PAX6: variants seen among roughly 807,000 people sequenced by gnomAD.
The protein encoded by PAX6 is paired box 6, also known as paired box protein Pax-6.
In PAX6, 7 loss-of-function variants were observed where a neutral mutation model predicts 60.7. The observed-to-expected ratio is 0.12, with a 90% confidence interval of 0.07 to 0.22. The LOEUF is 0.22. Among genes scored for constraint, PAX6 ranks in the 10% least tolerant of loss-of-function variants. PAX6 has a pLI of 1.00. For synonymous variants in PAX6, 208 were observed against 201.2 expected (o/e 1.03, Z -0.29); for missense variants, 355 against 555.2 (o/e 0.64, Z 3.62).
upstream of PAX6, among the ~76,000 whole-genome samples, chr11:31,815,471 C>T (rs893210116): frequency 6.6e-6 from 1 of 152,064 alleles, no homozygotes; most frequent in Non-Finnish European, 1.5e-5. Flanking sequence ...CCGTTGTAGA[C>T]CTGGGAACAG....
Position 31,800,740 on chromosome 11 carries a change from G to T in PAX6, c.516C>A (p.Thr172=). ...MLNGQTGSWG[T]RPGWYPGTSV... ...AAGTCCCCGGATACCAACCAGGGCGGGTGCCCCAGCTTCCGGTCTGCCCGT... is the reference window on the plus strand; with the variant it reads ...AAGTCCCCGGATACCAACCAGGGCGTGTGCCCCAGCTTCCGGTCTGCCCGT... The change falls in exon 8 of 14, where the codon ACC becomes ACA. Residue 172 remains threonine, a synonymous_variant. Coordinates refer to ENST00000640368, the MANE Select transcript of PAX6 (RefSeq NM_001368894.2). 1 of 1,614,170 alleles carries T rather than the reference G, an allele frequency of 6.2e-7. No individual in the cohort carries two copies. Among genetic ancestry groups the T allele is most frequent in the Non-Finnish European group, 8.5e-7 (1 of 1,180,026 alleles).
At position 31,793,813 on chromosome 11, in the gene PAX6, G is replaced by A. The variant is rs1950636383; in HGVS notation, c.808-11C>T. 6.2e-7 allele frequency: 1 copy of A among 1,614,018 alleles called. No individual in the cohort carries two copies. Among genetic ancestry groups the A allele is most frequent in the Non-Finnish European group, 8.5e-7 (1 of 1,180,038 alleles). ...ATTAGAAAACCATACCTGGAAATCA[G>A]GTGGGACAGGTTAGCACTGTGTCTA... On this transcript the variant is annotated splice_polypyrimidine_tract_variant and intron_variant, in intron 10 of 13. Coordinates refer to ENST00000640368, the MANE Select transcript of PAX6 (RefSeq NM_001368894.2).
In PAX6 at chr11:31,793,653, C is replaced by A. The variant is rs146433004; in HGVS notation, c.957G>T (p.Pro319=). The change falls in exon 11 of 14, where the codon CCG becomes CCT. Residue 319 remains proline, a splice_region_variant and synonymous_variant. Coordinates refer to ENST00000640368, the MANE Select transcript of PAX6 (RefSeq NM_001368894.2). ...CGTAGTATTAGTATTTCAAATTACC[C>A]GGTGTGGTGGGTTGTGGAATTGGTT... ...VYQPIPQPTT[P]VSSFTSGSML... is the part of the protein sequence containing the mutation. The A allele has an allele frequency of 6.2e-7, 1 of 1,614,150 alleles. No homozygotes were observed. Among genetic ancestry groups the A allele is most frequent in the Non-Finnish European group, 8.5e-7 (1 of 1,180,004 alleles).
intron 2 of PAX6, chr11:31,808,687 A>G (rs1956408633): frequency 6.6e-6 from 1 of 151,786 alleles, no homozygotes; most frequent in South Asian, 2.1e-4. Context: ...CTCGTTGATT[A>G]GTTTTCGAAG....
intron 13 of PAX6, chr11:31,790,426 G>T (rs1436104963): frequency 1.5e-6 from 2 of 1,318,036 alleles, no homozygotes; most frequent in East Asian, 3.5e-5. Flanking sequence ...GCCCCCTACT[G>T]AGCTTCGTCT....
chr11:31,802,560 G>T, intron 5 of PAX6, 144 bp downstream of exon 5: 3 of 780,330 alleles, frequency 3.8e-6, no homozygotes, highest in Non-Finnish European at 6.0e-6. Flanking sequence ...GGGAAGGCAG[G>T]GGAGTGGGTG....
rs368691530 is a variant in PAX6, at chr11:31,810,994, T to C, written c.-295A>G. The C allele has an allele frequency of 2.0e-5, 8 of 399,162 alleles. No individual in the cohort carries two copies. The East Asian group carries it at 2.8e-4, about 14-fold the overall frequency. 24.7% of individuals were successfully genotyped at this position (399,162 alleles called of 1,614,324 possible). A position where few individuals can be genotyped will look rare whatever the true frequency, so the allele number is the denominator to read the frequency against. On this transcript the variant is annotated 5_prime_UTR_variant, in exon 2 of 14. Transcript: ENST00000640368. ...CTCCACGGATGTTGCTGGGTTGGTGTGTGAGAGCAATTCTCAGATTCCTGG... is the reference window on the plus strand; with the variant it reads ...CTCCACGGATGTTGCTGGGTTGGTGCGTGAGAGCAATTCTCAGATTCCTGG...
At chr11:31,806,248 C>T (rs985968366) in intron 4 of PAX6, 154 bp downstream of exon 4, 11 of 734,216 alleles carry the variant, frequency 1.5e-5, no homozygotes, top group African/African-American at 1.3e-4. Flanking sequence ...CCCGGGCTGC[C>T]GGGCGCGGAG....
intron 8 of PAX6, among the ~76,000 whole-genome samples, chr11:31,799,375 G>A (rs976660067): frequency 1.3e-5 from 2 of 152,138 alleles, no homozygotes; most frequent in Admixed American, 1.3e-4. Flanking sequence ...CAAGAAGCGA[G>A]CGCTTTGCTC....
In PAX6 at chr11:31,794,414, CACACACCACACACACACACACACACA is replaced by C. The variant is rs1950818053; in HGVS notation, c.724+190_724+215del. On this transcript the variant is annotated intron_variant, in intron 9 of 13. Coordinates refer to ENST00000640368, the MANE Select transcript of PAX6 (RefSeq NM_001368894.2). ...TAGATGAAAAGAAGAAACACACACA[CACACACCACACACACACACACACACA>C]CACACACACACACACACACACACAC... The C allele has an allele frequency of 9.5e-6, 5 of 528,844 alleles. No homozygotes were observed. The Admixed American group carries it at 1.7e-4, about 18-fold the overall frequency. The allele number at this position is 528,844 out of a possible 1,614,324, so 32.8% of individuals were successfully genotyped here. A position where few individuals can be genotyped will look rare whatever the true frequency, so the allele number is the denominator to read the frequency against.
rs1411880763 is a variant in PAX6, at chr11:31,790,805, G to A, written c.1130C>T (p.Ser377Leu). 3.7e-6 allele frequency: 6 copies of A among 1,613,962 alleles called. No homozygotes were observed. The highest frequency in any genetic ancestry group is 1.7e-5 in the Admixed American group (1 of 60,000). Reference protein sequence around the residue: ...SYSCMLPTSPSVNGRSYDTYT... With the variant: ...SYSCMLPTSPLVNGRSYDTYT... Reference sequence around the variant, plus strand: ...GGTATCATAACTCCGCCCATTCACCGAAGGGCTGGTGGGCAGCATGCAGGA... The same window carrying A: ...GGTATCATAACTCCGCCCATTCACCAAAGGGCTGGTGGGCAGCATGCAGGA... Residue 377 changes from serine (S) to leucine (L), a missense_variant, in exon 13 of 14, where the codon TCG becomes TTG. This residue lies in a region of PAX6 where 149 missense variants were observed against 191.9 expected (regional missense o/e 0.78). Transcript: ENST00000640368.
upstream of PAX6, among the ~76,000 whole-genome samples, chr11:31,813,392 G>C (rs1023858350): frequency 9.6e-6 from 1 of 103,828 alleles, no homozygotes; most frequent in Admixed American, 1.1e-4. Flanking sequence ...GGGGGGGCGG[G>C]GGGGGGGGAA....
At chr11:31,811,763 G>A (rs1421240636), upstream of PAX6, 2 of 144,372 alleles carry the variant, frequency 1.4e-5, no homozygotes, top group African/African-American at 5.0e-5. Flanking sequence ...ATCCCAGCCG[G>A]GGCCCCAAGA....
chr11:31,793,735 G>A lies in PAX6; in HGVS notation c.875C>T (p.Ala292Val). The A allele has an allele frequency of 1.2e-6, 2 of 1,614,080 alleles. No homozygotes were observed. The highest frequency in any genetic ancestry group is 1.7e-6 in the Non-Finnish European group (2 of 1,179,976). Residue 292 changes from alanine to valine, a missense_variant, in exon 11 of 14, where the codon GCC (alanine) becomes GTC (valine). Ala to Val is a moderately conservative substitution (Grantham distance 64). Around this residue, in one of 5 missense-constraint regions of PAX6, gnomAD observed 149 missense variants for 191.9 expected, o/e 0.78. Coordinates refer to ENST00000640368, the MANE Select transcript of PAX6 (RefSeq NM_001368894.2). The part of the protein sequence containing the change: ...EEKLRNQRRQ[A>V]SNTPSHIPIS... ...AGGAATATGACTAGGTGTGTTGCTG[G>A]CCTGTCTTCTCTGATTCCTCAGTTT... is the stretch of plus-strand genomic sequence containing the variant.
At chr11:31,797,666 C>CCTAG (rs1210507419) in intron 8 of PAX6, among the ~76,000 whole-genome samples, 1 of 152,188 alleles carries the variant, frequency 6.6e-6, no homozygotes, top group Non-Finnish European at 1.5e-5. Flanking sequence ...CAGGCGGTGA[C>CCTAG]CTAGCGGCTG....
rs1190006021 is a variant in PAX6, at chr11:31,803,123, C to T, written c.11-289G>A. 8.3e-6 allele frequency: 4 copies of T among 479,046 alleles called. No homozygotes were observed. In the Admixed American group the frequency reaches 9.9e-5, roughly 12 times the overall value. The allele number at this position is 479,046 out of a possible 1,614,324, so 29.7% of individuals were successfully genotyped here. ...GGCAGCCCAGTCCAAGCAACCGTGC[C>T]CCTGCCCACTGTACTGCAGCAGCAA... On this transcript the variant is annotated intron_variant, in intron 4 of 13. Coordinates refer to ENST00000640368, the MANE Select transcript of PAX6 (RefSeq NM_001368894.2).
At position 31,789,200 on chromosome 11, in the gene PAX6, A is replaced by G. The variant is rs1329767619; in HGVS notation, c.*734T>C. On this transcript the variant is annotated 3_prime_UTR_variant, in exon 14 of 14. Coordinates refer to ENST00000640368, the MANE Select transcript of PAX6 (RefSeq NM_001368894.2). The stretch of plus-strand genomic sequence containing the variant: ...TAAAACATCTATATTCTTGTCAAAT[A>G]TAAATGAAATTAACTTTATTATAGA... The G allele has an allele frequency of 2.5e-4, 52 of 207,500 alleles. No homozygotes were observed. In the Admixed American group the frequency reaches 3.1e-3, roughly 12 times the overall value. 12.9% of individuals were successfully genotyped at this position (207,500 alleles called of 1,614,324 possible).
At chr11:31,808,627 A>G (rs1181314988) in intron 2 of PAX6, 5 of 147,180 alleles carry the variant, frequency 3.4e-5, no homozygotes, top group African/African-American at 1.3e-4. Context: ...CTGGCTTGTA[A>G]CTTCTTGATA....
Position 31,794,639 on chromosome 11 carries a change from G to A in PAX6, c.715C>T (p.Leu239=). The change falls in exon 9 of 14, where the codon CTG becomes TTG. Residue 239 remains leucine (L), a synonymous_variant. Transcript: ENST00000640368. ...TSFTQEQIEA[L]EKEFERTHYP... ...TGAAAAACTCTATCACCTTTCTCCA[G>A]GGCCTCAATTTGCTCTTGGGTAAAG... 1.2e-6 allele frequency: 2 copies of A among 1,614,076 alleles called. No homozygotes were observed. The highest frequency in any genetic ancestry group is 1.7e-6 in the Non-Finnish European group (2 of 1,180,002).
Sources: allele counts gnomAD v4.1 joint callset (sites outside exome capture counted in the v4.1 genomes callset), GRCh38; gene constraint gnomAD v4.1.1; regional missense constraint gnomAD v4.1.1; transcripts MANE v1.5; gene names NCBI Gene and HGNC (gene_info 2026-07-23, HGNC 2026-07-21).